KCNH6: variants seen among roughly 807,000 people sequenced by gnomAD.
KCNH6 encodes the protein voltage-gated inwardly rectifying potassium channel KCNH6.
Under a neutral mutation model 83.4 loss-of-function variants are expected in KCNH6, and 81 were observed. The ratio of observed to expected loss-of-function variants is 0.97; its 90% CI spans 0.81 to 1.17. The LOEUF is 1.17. Ranked by LOEUF, KCNH6 falls within the 50% of genes most tolerant of loss-of-function variation. The pLI is 0.00. For missense variants in KCNH6, 1,203 were observed against 1,290.5 expected, an observed-to-expected ratio of 0.93 and a Z score of 1.04; for synonymous variants, 503 against 545.6, an observed-to-expected ratio of 0.92 and a Z score of 1.09.
chr17:63,532,935 T>C lies in KCNH6; in HGVS notation c.676-951T>C, dbSNP rs1407163984. ...CTAACTACATGAGAAGAGATGCATC[T>C]CATTTCCTCACTACCCATGGCTTTT... On this transcript the variant is annotated intron_variant, in intron 4 of 12. Coordinates refer to ENST00000314672, the MANE Select transcript of KCNH6 (RefSeq NM_001278919.2). Among the ~76,000 whole-genome samples, 4 of 152,226 alleles carry C rather than the reference T, an allele frequency of 2.6e-5. No individual in the cohort carries two copies. The East Asian group carries it at 7.7e-4, about 29-fold the overall frequency.
At position 63,523,511 on chromosome 17, in the gene KCNH6, C is replaced by G; in HGVS notation, c.76+22C>G. On this transcript the variant is annotated intron_variant, in intron 1 of 12. Transcript: ENST00000314672. The surrounding 1 kb of genome is among the most constrained non-coding windows in gnomAD (Gnocchi z 4.2). ...CAAAGTGAGTGTGTGTATGTTGGGG[C>G]GGGGGGACGATCTGGAGTCCTGGTT... 3 of 1,573,260 alleles carry G rather than the reference C, an allele frequency of 1.9e-6. No homozygotes were observed. Among genetic ancestry groups the G allele is most frequent in the East Asian group, 2.4e-5 (1 of 41,170 alleles).
Position 63,534,420 on chromosome 17 carries a change from C to A in KCNH6, c.1101+109C>A. ...GCGGAGAGTATCTGGCACTGGGCAC[C>A]TTTGCTGAAGCACGTGGAGGTGGAG... On this transcript the variant is annotated intron_variant, in intron 5 of 12. Coordinates refer to ENST00000314672, the MANE Select transcript of KCNH6 (RefSeq NM_001278919.2). The surrounding 1 kb of genome is among the most constrained non-coding windows in gnomAD (Gnocchi z 5.0). 3 of 1,149,860 alleles carry A rather than the reference C, an allele frequency of 2.6e-6. No individual in the cohort carries two copies. The highest frequency in any genetic ancestry group is 3.7e-6 in the Non-Finnish European group (3 of 818,764). The allele number at this position is 1,149,860 out of a possible 1,614,324, so 71.2% of individuals were successfully genotyped here. A position where few individuals can be genotyped will look rare whatever the true frequency, so the allele number is the denominator to read the frequency against.
intron 2 of KCNH6, among the ~76,000 whole-genome samples, chr17:63,526,920 A>G (rs1167093037): frequency 2.0e-5 from 3 of 152,032 alleles, no homozygotes; most frequent in Non-Finnish European, 4.4e-5. Context: ...CTCTTCCTCT[A>G]TTTGCCTTTG....
In KCNH6 at chr17:63,534,193, A is replaced by G; in HGVS notation, c.983A>G (p.Asp328Gly). The change falls in exon 5 of 13, where the codon GAT (aspartate) becomes GGT (glycine). Residue 328 changes from aspartate (D) to glycine (G), a missense_variant. Transcript: ENST00000314672. The surrounding 1 kb of genome is among the most constrained non-coding windows in gnomAD (Gnocchi z 5.0). ...NFRTTYVNTN[D>G]EVVSHPRRIA... ...CGCACCACCTATGTCAACACCAATG[A>G]TGAGGTGGTCAGCCACCCCCGCCGC... The G allele has an allele frequency of 6.2e-7, 1 of 1,613,868 alleles. No homozygotes were observed. Among genetic ancestry groups the G allele is most frequent in the Non-Finnish European group, 8.5e-7 (1 of 1,179,930 alleles).
At position 63,545,634 on chromosome 17, in the gene KCNH6, A is replaced by T. The variant is rs942927472; in HGVS notation, c.2609A>T (p.Asp870Val). ...AQTPSYGDLD[D>V]CSPKHRNSSP... The stretch of plus-strand genomic sequence containing the variant: ...ACCCCAAGCTATGGAGACTTGGATG[A>T]CTGTAGTCCAAAGCACAGGAACTCC... The change falls in exon 13 of 13, where the codon GAC becomes GTC. Residue 870 changes from aspartate (D) to valine (V), a missense_variant. Transcript: ENST00000314672. The T allele has an allele frequency of 1.9e-6, 3 of 1,613,782 alleles. No homozygotes were observed. Among genetic ancestry groups the T allele is most frequent in the African/African-American group, 2.7e-5 (2 of 75,016 alleles).
intron 9 of KCNH6, 53 bp from the exon 10 acceptor site, chr17:63,543,523 A>G: frequency 9.1e-7 from 1 of 1,104,972 alleles, no homozygotes; most frequent in Non-Finnish European, 1.4e-6. Flanking sequence ...AAGAACAAAG[A>G]GGCCCCATCC....
intron 2 of KCNH6, among the ~76,000 whole-genome samples, chr17:63,525,718 T>C (rs2031666749): frequency 1.3e-5 from 2 of 151,918 alleles, no homozygotes; most frequent in African/African-American, 4.8e-5. Context: ...TGAGTGGCAG[T>C]GGGAAGTGCA....
intron 4 of KCNH6, 62 bp downstream of exon 4, chr17:63,530,604 C>A: frequency 1.3e-6 from 2 of 1,501,586 alleles, no homozygotes; most frequent in Non-Finnish European, 1.8e-6. Context: ...CCCTCCCAGG[C>A]TCTGGGCCCA....
intron 9 of KCNH6, 135 bp downstream of exon 9, chr17:63,542,569 C>T: frequency 2.7e-6 from 2 of 733,182 alleles, no homozygotes; most frequent in South Asian, 3.5e-5. Flanking sequence ...TTTGTGCCTA[C>T]CATGGCTGGC....
rs375437035 is a variant in KCNH6, at chr17:63,545,613, C to T, written c.2588C>T (p.Pro863Leu). ...CCTCTTTCTTGCTCCTCCCAGACCC[C>T]AAGCTATGGAGACTTGGATGACTGT... ...PQGFLPPAQT[P>L]SYGDLDDCSP... Residue 863 changes from proline (P) to leucine (L), a missense_variant, in exon 13 of 13, where the codon CCA becomes CTA. By Grantham distance (98) the Pro-to-Leu change is moderately conservative (BLOSUM62 -3). Coordinates refer to ENST00000314672, the MANE Select transcript of KCNH6 (RefSeq NM_001278919.2). 10 of 1,612,336 alleles carry T rather than the reference C, an allele frequency of 6.2e-6. No homozygotes were observed. The highest frequency in any genetic ancestry group is 2.2e-5 in the East Asian group (1 of 44,852).
chr17:63,523,624 G>A lies in KCNH6; in HGVS notation c.76+135G>A, dbSNP rs771985711. The A allele has an allele frequency of 6.0e-5, 43 of 720,562 alleles. No individual in the cohort carries two copies. The highest frequency in any genetic ancestry group is 7.9e-5 in the Non-Finnish European group (36 of 454,396). 44.6% of individuals were successfully genotyped at this position (720,562 alleles called of 1,614,324 possible). On this transcript the variant is annotated intron_variant, in intron 1 of 12. Coordinates refer to ENST00000314672, the MANE Select transcript of KCNH6 (RefSeq NM_001278919.2). This position sits in a 1 kb window ranked among gnomAD's most constrained non-coding sequence, Gnocchi z 4.2. ...GTGCTGAATGAAAAATCCTTCTTTTGATGTCCCCAACACCTTCTCCTCCAG... is the reference window on the plus strand; with the variant it reads ...GTGCTGAATGAAAAATCCTTCTTTTAATGTCCCCAACACCTTCTCCTCCAG...
chr17:63,526,390 CT>C (rs11316766), intron 2 of KCNH6, among the ~76,000 whole-genome samples: 13,278 of 134,546 alleles, frequency 0.099, 1,663 homozygotes, highest in African/African-American at 0.34. Context: ...TCATATAATC[CT>C]TTTTTTTTTT....
At chr17:63,531,087 C>T (rs2032076529) in intron 4 of KCNH6, among the ~76,000 whole-genome samples, 1 of 152,264 alleles carries the variant, frequency 6.6e-6, no homozygotes, top group South Asian at 2.1e-4. Context: ...TAATCAGCTT[C>T]CTGGGGGCCA....
In KCNH6 at chr17:63,545,790, T is replaced by A; in HGVS notation, c.2765T>A (p.Ile922Asn). 1.2e-6 allele frequency: 2 copies of A among 1,614,124 alleles called. No individual in the cohort carries two copies. The highest frequency in any genetic ancestry group is 1.7e-6 in the Non-Finnish European group (2 of 1,180,014). Reference sequence around the variant, plus strand: ...CATCCCCTGGAAGTACAAGGACTCATCTGTGGTCCCTGCTTCTCCTCCCTC... The same window carrying A: ...CATCCCCTGGAAGTACAAGGACTCAACTGTGGTCCCTGCTTCTCCTCCCTC... ...PLHPLEVQGL[I>N]CGPCFSSLPE... Residue 922 changes from isoleucine (I) to asparagine (N), a missense_variant, in exon 13 of 13, where the codon ATC (isoleucine) becomes AAC (asparagine). Physicochemically the swap from Ile to Asn is moderately radical, Grantham distance 149 (BLOSUM62 -3). Coordinates refer to ENST00000314672, the MANE Select transcript of KCNH6 (RefSeq NM_001278919.2).
In KCNH6 at chr17:63,524,145, A is replaced by G; in HGVS notation, c.83A>G (p.Lys28Arg). ...IIRKFEGQSRKFLIANAQMEN... is the reference protein window; with the variant it reads ...IIRKFEGQSRRFLIANAQMEN... ...CTCCCACCTCCCACCCCAGGTCGGA[A>G]GTTCCTGATTGCCAATGCTCAGATG... is the stretch of plus-strand genomic sequence containing the variant. Residue 28 changes from lysine (K) to arginine (R), a missense_variant, in exon 2 of 13, where the codon AAG (lysine) becomes AGG (arginine). Lys to Arg is a conservative substitution (Grantham distance 26). Transcript: ENST00000314672. The G allele has an allele frequency of 6.2e-7, 1 of 1,613,188 alleles. No individual in the cohort carries two copies. Among genetic ancestry groups the G allele is most frequent in the Non-Finnish European group, 8.5e-7 (1 of 1,179,178 alleles).
At chr17:63,544,970 G>A (rs977084879) in intron 11 of KCNH6, 108 bp from the exon 12 acceptor site, 21 of 1,094,200 alleles carry the variant, frequency 1.9e-5, no homozygotes, top group Non-Finnish European at 2.6e-5. Flanking sequence ...TAGGCCCCAG[G>A]CCGCCATTCC....
rs866779432 is a variant in KCNH6, at chr17:63,533,203, C to T, written c.676-683C>T. Among the ~76,000 whole-genome samples, 6 of 132,886 alleles carry T rather than the reference C, an allele frequency of 4.5e-5. No homozygotes were observed. The highest frequency in any genetic ancestry group is 2.7e-4 in the South Asian group (1 of 3,714). The allele number at this position is 132,886 out of a possible 152,430, so 87.2% of individuals were successfully genotyped here. On this transcript the variant is annotated intron_variant, in intron 4 of 12. Coordinates refer to ENST00000314672, the MANE Select transcript of KCNH6 (RefSeq NM_001278919.2). This position sits in a 1 kb window ranked among gnomAD's most constrained non-coding sequence, Gnocchi z 4.1. ...TTGATCACAGTCTTGGAGGCGGGGG[C>T]GGGAGGGGAGAAGGGAGAAGGGAAG... is the stretch of plus-strand genomic sequence containing the variant.
Position 63,535,741 on chromosome 17 carries a change from C to G in KCNH6, c.1174C>G (p.Arg392Gly), listed in dbSNP as rs766350991. 2 of 1,613,902 alleles carry G rather than the reference C, an allele frequency of 1.2e-6. No individual in the cohort carries two copies. Among genetic ancestry groups the G allele is most frequent in the Middle Eastern group, 1.6e-4 (1 of 6,062 alleles). The stretch of plus-strand genomic sequence containing the variant: ...GGTGCGCGTAGCACGGAAGCTGGAC[C>G]GCTACTCTGAGTATGGGGCGGCTGT... ...RLVRVARKLD[R>G]YSEYGAAVLF... Residue 392 changes from arginine (R) to glycine (G), a missense_variant, in exon 6 of 13, where the codon CGC becomes GGC. Transcript: ENST00000314672. The surrounding 1 kb of genome is among the most constrained non-coding windows in gnomAD (Gnocchi z 4.9).
intron 9 of KCNH6, among the ~76,000 whole-genome samples, 159 bp from the exon 10 acceptor site, chr17:63,543,417 G>T (rs551574391): frequency 6.6e-6 from 1 of 152,206 alleles, no homozygotes; most frequent in South Asian, 2.1e-4. Flanking sequence ...TGCAGCCTGG[G>T]CCACCTGCAG....
Sources: allele counts gnomAD v4.1 joint callset (sites outside exome capture counted in the v4.1 genomes callset), GRCh38; gene constraint gnomAD v4.1.1; non-coding constraint Gnocchi (gnomAD v3.1); transcripts MANE v1.5; gene names NCBI Gene and HGNC (gene_info 2026-07-23, HGNC 2026-07-21).